Variants in TDRKH observed in about 807,000 individuals in gnomAD.
The protein encoded by TDRKH is tudor and KH domain containing.
Under a neutral mutation model 61.3 loss-of-function variants are expected in TDRKH, and 28 were observed. That is an observed-to-expected ratio of 0.46 (90% CI 0.34 to 0.63). The LOEUF (loss-of-function observed/expected upper bound fraction) is 0.63, where lower values mean the gene tolerates loss of function less well. Among genes scored for constraint, TDRKH ranks in the 20% least tolerant of loss-of-function variants. The probability of loss-of-function intolerance (pLI) is 0.01; values close to 1 mark genes in which losing one functional copy is unlikely to be tolerated. For synonymous variants in TDRKH, 219 were observed against 244.4 expected (o/e 0.90, Z 0.97); for missense variants, 540 against 683.4 (o/e 0.79, Z 2.34).
At chr1:151,776,634 A>G (rs1287797682) in intron 6 of TDRKH, 35 bp from the exon 7 acceptor site, 14 of 1,606,564 alleles carry the variant, frequency 8.7e-6, no homozygotes, top group Non-Finnish European at 1.2e-5. Flanking sequence ...GCCACATCAG[A>G]CCCATCTCTG....
downstream of TDRKH, chr1:151,771,094 T>C: frequency 6.3e-7 from 1 of 1,598,462 alleles, no homozygotes; most frequent in Non-Finnish European, 8.5e-7. Flanking sequence ...GCTGCGGGCC[T>C]TCAGCTACAT....
At chr1:151,771,366 A>C, downstream of TDRKH, 2 of 1,458,468 alleles carry the variant, frequency 1.4e-6, no homozygotes, top group Non-Finnish European at 1.8e-6. Flanking sequence ...GGTGGGTAAT[A>C]GGGTTGACTG....
Position 151,779,116 on chromosome 1 carries a change from A to G in TDRKH, c.548T>C (p.Val183Ala). The change falls in exon 5 of 13, where the codon GTG becomes GCG. Residue 183 changes from valine to alanine, a missense_variant. Val to Ala is a moderately conservative substitution (Grantham distance 64, BLOSUM62 0). Coordinates refer to ENST00000368824, the MANE Select transcript of TDRKH (RefSeq NM_001083965.2). ...LIKISGTQKE[V>A]AAAKHLILEK... The stretch of plus-strand genomic sequence containing the variant: ...TTAGCTACTTGCCTTGGCTGCTGCC[A>G]CTTCCTTCTGTGTTCCTGAGATTTT... 6.2e-7 allele frequency: 1 copy of G among 1,614,086 alleles called. No individual in the cohort carries two copies. Among genetic ancestry groups the G allele is most frequent in the Non-Finnish European group, 8.5e-7 (1 of 1,180,012 alleles).
downstream of TDRKH, chr1:151,768,238 C>T (rs1648438619): frequency 6.2e-7 from 1 of 1,607,734 alleles, no homozygotes; most frequent in Non-Finnish European, 8.5e-7. Flanking sequence ...GGAAAGGTGA[C>T]TGAGCCTGGA....
At chr1:151,771,473 G>A, downstream of TDRKH, 1 of 734,956 alleles carries the variant, frequency 1.4e-6, no homozygotes, top group Non-Finnish European at 1.9e-6. Context: ...GGTTCCCTTT[G>A]CCTTCCTCCA....
rs186187634 is a variant in TDRKH, at chr1:151,773,894, T to C, written c.*558A>G. Reference sequence around the variant, plus strand: ...GTGAGTCAGAAGTCTGCAGAATCACTTCCAATGACGAAAGCCTGACTGTTT... The same window carrying C: ...GTGAGTCAGAAGTCTGCAGAATCACCTCCAATGACGAAAGCCTGACTGTTT... On this transcript the variant is annotated 3_prime_UTR_variant, in exon 13 of 13. Coordinates refer to ENST00000368824, the MANE Select transcript of TDRKH (RefSeq NM_001083965.2). 6.6e-6 allele frequency: 1 copy of C among 152,292 alleles called. No homozygotes were observed. The highest frequency in any genetic ancestry group is 1.9e-4 in the East Asian group (1 of 5,194). The allele number at this position is 152,292 out of a possible 1,614,324, so 9.4% of individuals were successfully genotyped here. A position where few individuals can be genotyped will look rare whatever the true frequency, so the allele number is the denominator to read the frequency against.
downstream of TDRKH, chr1:151,767,427 A>G: frequency 2.0e-6 from 3 of 1,480,310 alleles, no homozygotes; most frequent in African/African-American, 4.2e-5. Flanking sequence ...CATGTGTAAA[A>G]GCTACTTGCT....
In TDRKH at chr1:151,775,513, T is replaced by C; in HGVS notation, c.1313A>G (p.Glu438Gly). Residue 438 changes from glutamate (E) to glycine (G), a missense_variant, in exon 10 of 13, where the codon GAG becomes GGG. Glu to Gly is a moderately conservative substitution (Grantham distance 98). Coordinates refer to ENST00000368824, the MANE Select transcript of TDRKH (RefSeq NM_001083965.2). ...AGCACAATGAGTGAGTCTATCAAAC[T>C]CATCCAAAGCTTCCTCTTCCCACTG... is the stretch of plus-strand genomic sequence containing the variant. The part of the protein sequence containing the change: ...GDQWEEEALD[E>G]FDRLTHCADW... The C allele has an allele frequency of 6.2e-7, 1 of 1,613,752 alleles. No individual in the cohort carries two copies. The highest frequency in any genetic ancestry group is 8.5e-7 in the Non-Finnish European group (1 of 1,179,896).
intron 6 of TDRKH, among the ~76,000 whole-genome samples, chr1:151,776,826 T>C (rs879542233): frequency 6.6e-5 from 10 of 152,272 alleles, no homozygotes; most frequent in Admixed American, 1.3e-4. Flanking sequence ...CTTTGTCATG[T>C]GCTACATAGT....
chr1:151,768,373 G>A, downstream of TDRKH: 2 of 1,289,246 alleles, frequency 1.6e-6, no homozygotes, highest in Admixed American at 4.8e-5. Flanking sequence ...CCTGTGAGCT[G>A]AGCCAGGATC....
intron 3 of TDRKH, among the ~76,000 whole-genome samples, chr1:151,780,531 T>C (rs1649650689): frequency 6.6e-6 from 1 of 152,204 alleles, no homozygotes; most frequent in South Asian, 2.1e-4. Flanking sequence ...TGTCAATTAA[T>C]GAGAGTTCAT....
At chr1:151,781,298 C>T (rs1649743633) in intron 3 of TDRKH, among the ~76,000 whole-genome samples, 183 bp downstream of exon 3, 1 of 92,684 alleles carries the variant, frequency 1.1e-5, no homozygotes, top group East Asian at 2.4e-4. Flanking sequence ...GCCTGGACAA[C>T]AAGAGCGAAA....
At position 151,779,167 on chromosome 1, in the gene TDRKH, C is replaced by T; in HGVS notation, c.497G>A (p.Gly166Glu). ...TATAAGTCTTGATAGTAGTAATGTC[C>T]CTTCTGATTCTTTGTCACAGGTAAT... The part of the protein sequence containing the change: ...AKITCDKESE[G>E]TLLLSRLIKI... Residue 166 changes from glycine (G) to glutamate (E), a missense_variant, in exon 5 of 13, where the codon GGG becomes GAG. By Grantham distance (98) the Gly-to-Glu change is moderately conservative. Coordinates refer to ENST00000368824, the MANE Select transcript of TDRKH (RefSeq NM_001083965.2). The T allele has an allele frequency of 1.2e-6, 2 of 1,614,090 alleles. No homozygotes were observed. The highest frequency in any genetic ancestry group is 2.2e-5 in the East Asian group (1 of 44,876).
downstream of TDRKH, among the ~76,000 whole-genome samples, chr1:151,767,753 C>G (rs1648414880): frequency 6.6e-6 from 1 of 152,098 alleles, no homozygotes; most frequent in Admixed American, 6.5e-5. Flanking sequence ...CATTATAAAG[C>G]TTTGTTTAAA....
At chr1:151,777,481 T>C (rs1649301712) in intron 6 of TDRKH, among the ~76,000 whole-genome samples, 1 of 152,128 alleles carries the variant, frequency 6.6e-6, no homozygotes, top group African/African-American at 2.4e-5. Context: ...CAATATCATG[T>C]AAATCCAATT....
chr1:151,773,190 A>G (rs970787893), downstream of TDRKH, among the ~76,000 whole-genome samples: 21 of 152,162 alleles, frequency 1.4e-4, no homozygotes, highest in African/African-American at 4.8e-4. Flanking sequence ...CAACAGGTGC[A>G]TGCCACCATG....
chr1:151,768,227 G>A (rs757467800), downstream of TDRKH: 14 of 1,610,366 alleles, frequency 8.7e-6, no homozygotes, highest in Middle Eastern at 1.6e-4. Flanking sequence ...CAAGGCAACC[G>A]GGAAAGGTGA....
At chr1:151,780,849 C>CA (rs71789262) in intron 3 of TDRKH, among the ~76,000 whole-genome samples, 19,366 of 85,692 alleles carry the variant, frequency 0.23, 1,619 homozygotes, top group African/African-American at 0.27. Flanking sequence ...GACTCTGTCT[C>CA]AAAAAAAAAA....
chr1:151,782,130 T>G (rs1369310968), intron 2 of TDRKH: 3 of 384,076 alleles, frequency 7.8e-6, no homozygotes, highest in African/African-American at 6.4e-5. Context: ...ATAAAATGAG[T>G]TCATTTCATA....
Sources: gnomAD v4.1 joint callset for allele counts (sites outside exome capture counted in the v4.1 genomes callset) on GRCh38, gnomAD v4.1.1 for gene constraint, MANE v1.5 for transcripts, NCBI Gene and HGNC (gene_info 2026-07-23, HGNC 2026-07-21) for gene names.